The following SMC3 variants were observed in gnomAD, a reference collection of about 807,000 sequenced individuals.
SMC3 encodes structural maintenance of chromosomes protein 3.
Under a neutral mutation model 171.8 loss-of-function variants are expected in SMC3, and 20 were observed. The observed-to-expected ratio is 0.12, with a 90% CI of 0.08 to 0.17. The LOEUF is 0.17. SMC3 is among the 10% of genes least tolerant of loss of function. The probability of loss-of-function intolerance (pLI) is 1.00; values close to 1 mark genes in which losing one functional copy is unlikely to be tolerated. For missense variants in SMC3, 543 were observed against 1,420.4 expected, an observed-to-expected ratio of 0.38 and a Z score of 9.93; for synonymous variants, 464 against 451.1, an observed-to-expected ratio of 1.03 and a Z score of -0.36.
intron 2 of SMC3, among the ~76,000 whole-genome samples, chr10:110,570,024 G>A (rs1860846053): frequency 6.6e-6 from 1 of 152,182 alleles, no homozygotes; most frequent in Admixed American, 6.5e-5. Context: ...CCATAGACTG[G>A]TGGCTTAAAC....
rs1412806163 is a variant in SMC3 at position 110,604,877 on chromosome 10, T to A, written c.*575T>A. On this transcript the variant is annotated 3_prime_UTR_variant, in exon 29 of 29. Coordinates refer to ENST00000361804, the MANE Select transcript of SMC3 (RefSeq NM_005445.4). ...CATTACTATCAACTAAGCTCAAGAT[T>A]TTATTCAGATTTGACTAGTTTTTCC... Among the ~76,000 whole-genome samples the A allele has an allele frequency of 6.6e-6, 1 of 152,182 alleles. No homozygotes were observed. Among genetic ancestry groups the A allele is most frequent in the Admixed American group, 6.5e-5 (1 of 15,274 alleles).
chr10:110,590,938 A>T (rs1455610438), intron 16 of SMC3, 53 bp from the exon 17 acceptor site: 1 of 1,566,600 alleles, frequency 6.4e-7, no homozygotes, highest in Non-Finnish European at 8.8e-7. Context: ...TTTGGGCAAC[A>T]TAGGGAGACC....
Position 110,582,203 on chromosome 10 carries a change from T to TA in SMC3, c.723+113dup, listed in dbSNP as rs367741874. ...TTTTCAGTGATTTTAAATAGAAACT[T>TA]AAAAAAAACCTCTCAATGAATTTAT... On this transcript the variant is annotated intron_variant, in intron 9 of 28. Coordinates refer to ENST00000361804, the MANE Select transcript of SMC3 (RefSeq NM_005445.4). 1.5e-4 allele frequency: 155 copies of TA among 1,051,932 alleles called. 1 individual carries two copies. The highest frequency in any genetic ancestry group is 1.4e-3 in the Admixed American group (66 of 46,338). 65.2% of individuals were successfully genotyped at this position (1,051,932 alleles called of 1,614,324 possible). A position where few individuals can be genotyped will look rare whatever the true frequency, so the allele number is the denominator to read the frequency against.
At chr10:110,596,585 G>A (rs199999599) in intron 19 of SMC3, 35 bp downstream of exon 19, 1 of 1,595,814 alleles carries the variant, frequency 6.3e-7, no homozygotes, top group Non-Finnish European at 8.6e-7. Context: ...GATAGATATT[G>A]TGGGGGAAGA....
At chr10:110,581,813 G>T (rs1215244010) in intron 8 of SMC3, 110 bp from the exon 9 acceptor site, 25 of 1,050,774 alleles carry the variant, frequency 2.4e-5, no homozygotes, top group Non-Finnish European at 3.5e-5. Context: ...TCACATCAAA[G>T]AAATAATGCT....
chr10:110,602,697 A>G lies in SMC3; in HGVS notation c.3297+32A>G, dbSNP rs772073311. 8.2e-6 allele frequency: 13 copies of G among 1,591,792 alleles called. No individual in the cohort carries two copies. In the South Asian group the frequency reaches 1.4e-4, roughly 18 times the overall value. On this transcript the variant is annotated intron_variant, in intron 26 of 28. Coordinates refer to ENST00000361804, the MANE Select transcript of SMC3 (RefSeq NM_005445.4). ...TACCTTTATATTCCATTTTCCTCAG[A>G]GCATTACCATAATAGAATTTATAGT... is the stretch of plus-strand genomic sequence containing the variant.
chr10:110,588,423 CTG>C (rs1861157781), intron 13 of SMC3, among the ~76,000 whole-genome samples: 1 of 152,302 alleles, frequency 6.6e-6, no homozygotes, highest in African/African-American at 2.4e-5. Flanking sequence ...TGTCAGTACT[CTG>C]TGGGAATATT....
chr10:110,598,275 A>G lies in SMC3; in HGVS notation c.2253A>G (p.Lys751=). The G allele has an allele frequency of 6.2e-7, 1 of 1,614,010 alleles. No individual in the cohort carries two copies. The highest frequency in any genetic ancestry group is 1.1e-5 in the South Asian group (1 of 91,084). The change falls in exon 20 of 29, where the codon AAA becomes AAG. Residue 751 remains lysine, a synonymous_variant. Coordinates refer to ENST00000361804, the MANE Select transcript of SMC3 (RefSeq NM_005445.4). ...MLKEKRQQSE[K]TFMPKQRSLQ... ...AAGAGAAGAGGCAGCAGTCAGAGAA[A>G]ACCTTCATGCCTAAGGTTCGTAAGT...
At chr10:110,586,568 T>G (rs867232022) in intron 13 of SMC3, among the ~76,000 whole-genome samples, 1 of 152,242 alleles carries the variant, frequency 6.6e-6, no homozygotes, top group African/African-American at 2.4e-5. Context: ...TTTTCCAGTA[T>G]TCCAGCCACA....
intron 17 of SMC3, 51 bp downstream of exon 17, chr10:110,591,183 A>G (rs1017576700): frequency 1.2e-5 from 18 of 1,549,018 alleles, no homozygotes; most frequent in Non-Finnish European, 1.6e-5. Flanking sequence ...GTTATTTTTT[A>G]TCACATAATC....
intron 20 of SMC3, among the ~76,000 whole-genome samples, chr10:110,598,795 T>C (rs1861341151): frequency 6.6e-6 from 1 of 152,182 alleles, no homozygotes. Flanking sequence ...CGTTCAAACT[T>C]TCCACCTTCA....
intron 8 of SMC3, 22 bp from the exon 9 acceptor site, chr10:110,581,901 C>T (rs373665770): frequency 1.9e-6 from 3 of 1,598,098 alleles, no homozygotes; most frequent in African/African-American, 2.7e-5. Flanking sequence ...ATTCTTCCAC[C>T]TCTCTCCCCA....
chr10:110,598,360 T>G (rs570842411), intron 20 of SMC3, 70 bp downstream of exon 20: 471 of 1,426,848 alleles, frequency 3.3e-4, no homozygotes, highest in Non-Finnish European at 4.4e-4. Context: ...GAATCATACA[T>G]TATATGGGTT....
At chr10:110,593,049 CTG>C (rs1384812240) in intron 17 of SMC3, 22 bp from the exon 18 acceptor site, 6 of 1,599,274 alleles carry the variant, frequency 3.8e-6, no homozygotes, top group Non-Finnish European at 5.1e-6. Flanking sequence ...TGTGATCTCT[CTG>C]TTGACAAAAT....
At chr10:110,594,081 T>C (rs572849921) in intron 18 of SMC3, among the ~76,000 whole-genome samples, 3 of 115,490 alleles carry the variant, frequency 2.6e-5, no homozygotes, top group Non-Finnish European at 5.3e-5. Flanking sequence ...GTACTTGATA[T>C]TTAGTTGATG....
intron 6 of SMC3, 126 bp downstream of exon 6, chr10:110,578,040 C>G (rs1398283613): frequency 2.9e-6 from 2 of 697,598 alleles, no homozygotes; most frequent in African/African-American, 1.8e-5. Context: ...TCCTAAAGTG[C>G]TAGGATTACA....
chr10:110,601,628 C>G lies in SMC3; in HGVS notation c.2645-9C>G. ...TATTATAGCCTAATTTTGTTTCCCC[C>G]CATCTTAGATTTGGACAATTCCATT... On this transcript the variant is annotated splice_polypyrimidine_tract_variant and intron_variant, in intron 23 of 28. Transcript: ENST00000361804. 6.2e-7 allele frequency: 1 copy of G among 1,610,046 alleles called. No individual in the cohort carries two copies. The highest frequency in any genetic ancestry group is 8.5e-7 in the Non-Finnish European group (1 of 1,179,524).
intron 13 of SMC3, among the ~76,000 whole-genome samples, chr10:110,586,695 G>C (rs904316625): frequency 2.6e-5 from 4 of 152,050 alleles, no homozygotes; most frequent in African/African-American, 2.4e-5. Flanking sequence ...GCCCCACTCT[G>C]TTGCCAGGCT....
chr10:110,570,442 C>G (rs147317102), intron 2 of SMC3, among the ~76,000 whole-genome samples: 1 of 151,248 alleles, frequency 6.6e-6, no homozygotes, highest in East Asian at 1.9e-4. Context: ...TTTTTTTTCC[C>G]TGCTTGTGCT....
Sources: allele counts gnomAD v4.1 joint callset (sites outside exome capture counted in the v4.1 genomes callset), GRCh38; gene constraint gnomAD v4.1.1; transcripts MANE v1.5; gene names NCBI Gene and HGNC (gene_info 2026-07-23, HGNC 2026-07-21).